TRIM35: variants seen among roughly 807,000 people sequenced by gnomAD.
TRIM35 encodes the protein E3 ubiquitin-protein ligase TRIM35.
TRIM35 carries 37 observed loss-of-function variants against 49.1 expected under a neutral mutation model. That is an observed-to-expected ratio of 0.75 (90% CI 0.58 to 0.99). The LOEUF (loss-of-function observed/expected upper bound fraction) is 0.99. Ranked by LOEUF, TRIM35 falls within the 50% of genes least tolerant of loss-of-function variation. TRIM35 has a pLI of 0.00. For missense variants in TRIM35, 648 were observed against 702.7 expected (o/e 0.92, Z 0.88); for synonymous variants, 302 against 289.3 (o/e 1.04, Z -0.45).
Position 27,304,788 on chromosome 8 carries a change from A to G in TRIM35, c.435+6013T>C, listed in dbSNP as rs1250537050. On this transcript the variant is annotated intron_variant, in intron 1 of 5. Transcript: ENST00000305364. ...TGCCTCCTGGACTGAAGGTTAGGAG[A>G]GCTGGTTTGGAGCCTTGTCTTTGTC... 8.8e-6 allele frequency: 4 copies of G among 455,874 alleles called. 1 individual carries two copies. Among genetic ancestry groups the G allele is most frequent in the African/African-American group, 8.0e-5 (4 of 49,944 alleles). The allele number at this position is 455,874 out of a possible 1,614,324, so 28.2% of individuals were successfully genotyped here.
Position 27,292,446 on chromosome 8 carries a change from A to G in TRIM35, c.762+1634T>C, listed in dbSNP as rs1381686896. Among the ~76,000 whole-genome samples the G allele has an allele frequency of 2.0e-5, 3 of 152,392 alleles. No individual in the cohort carries two copies. The East Asian group carries it at 5.8e-4, about 29-fold the overall frequency. The stretch of plus-strand genomic sequence containing the variant: ...AAGTGCATGATTATATATCTATGCC[A>G]TGGAATATTATTCAGCCATAAAAAA... On this transcript the variant is annotated intron_variant, in intron 3 of 5. Coordinates refer to ENST00000305364, the MANE Select transcript of TRIM35 (RefSeq NM_171982.5).
chr8:27,307,622 A>G (rs1489973982), intron 1 of TRIM35, among the ~76,000 whole-genome samples: 2 of 152,096 alleles, frequency 1.3e-5, no homozygotes, highest in African/African-American at 2.4e-5. Context: ...AGCCCTGACA[A>G]TGGTCAACAG....
intron 1 of TRIM35, among the ~76,000 whole-genome samples, chr8:27,309,367 T>A (rs1342100245): frequency 6.6e-6 from 1 of 152,204 alleles, no homozygotes; most frequent in Non-Finnish European, 1.5e-5. Flanking sequence ...CATGGACCCA[T>A]GTTAAACAAA....
chr8:27,300,382 T>G (rs1490935520), intron 1 of TRIM35, among the ~76,000 whole-genome samples: 1 of 150,752 alleles, frequency 6.6e-6, no homozygotes, highest in Non-Finnish European at 1.5e-5. Flanking sequence ...TTGGGCAATT[T>G]GCTAGGAAAT....
intron 5 of TRIM35, 75 bp downstream of exon 5, chr8:27,289,087 C>G: frequency 7.9e-7 from 1 of 1,262,536 alleles, no homozygotes; most frequent in African/African-American, 1.5e-5. Flanking sequence ...CCGGCAGAGA[C>G]CAGCCCTGGT....
chr8:27,290,386 A>G (rs1802428728), intron 3 of TRIM35, among the ~76,000 whole-genome samples: 1 of 152,192 alleles, frequency 6.6e-6, no homozygotes, highest in African/African-American at 2.4e-5. Flanking sequence ...CAGTGTTGGG[A>G]GGAAAGGCCT....
chr8:27,297,781 A>G (rs1802599824), intron 2 of TRIM35, among the ~76,000 whole-genome samples: 1 of 152,216 alleles, frequency 6.6e-6, no homozygotes, highest in Non-Finnish European at 1.5e-5. Flanking sequence ...GAGAAGACTT[A>G]GTTTGCTTAA....
chr8:27,306,932 G>A (rs2322605), intron 1 of TRIM35, among the ~76,000 whole-genome samples: 69,007 of 152,010 alleles, frequency 0.45, 15,968 homozygotes, highest in African/African-American at 0.49. Context: ...TTTGTATTCA[G>A]TCTGTTCACT....
intron 1 of TRIM35, among the ~76,000 whole-genome samples, chr8:27,307,647 A>G (rs1802814400): frequency 6.6e-6 from 1 of 152,120 alleles, no homozygotes; most frequent in African/African-American, 2.4e-5. Flanking sequence ...TCCAACCCCT[A>G]ACACACAGTC....
intron 2 of TRIM35, 58 bp downstream of exon 2, chr8:27,298,406 C>T: frequency 6.5e-7 from 1 of 1,537,814 alleles, no homozygotes; most frequent in East Asian, 2.3e-5. Context: ...ATCTTCACTC[C>T]TCCCCAGACT....
rs747579708 is a variant in TRIM35, at chr8:27,287,967, C to T, written c.1065G>A (p.Ser355=). The change falls in exon 6 of 6, where the codon TCG becomes TCA. Residue 355 remains serine (S), a synonymous_variant. Coordinates refer to ENST00000305364, the MANE Select transcript of TRIM35 (RefSeq NM_171982.5). The surrounding 1 kb of genome is among the most constrained non-coding windows in gnomAD (Gnocchi z 6.0). ...LLGSRVFSQG[S]HAWEVALGGL... ...CCCCAAGGGCCACCTCCCAGGCGTG[C>T]GAGCCCTGTGAGAAGACACGGGAGC... 4.0e-5 allele frequency: 64 copies of T among 1,613,178 alleles called. No individual in the cohort carries two copies. The highest frequency in any genetic ancestry group is 5.3e-5 in the Non-Finnish European group (62 of 1,179,946).
rs1802953671 is a variant in TRIM35, at chr8:27,311,256, G to A, written c.-21C>T. On this transcript the variant is annotated 5_prime_UTR_variant, in exon 1 of 6. Coordinates refer to ENST00000305364, the MANE Select transcript of TRIM35 (RefSeq NM_171982.5). ...TCCATGGCACGAGCAGCCGGCTCGG[G>A]CGCCCGGAACTTTTGCTCCGGCCCC... 6 of 1,483,430 alleles carry A rather than the reference G, an allele frequency of 4.0e-6. No individual in the cohort carries two copies. Among genetic ancestry groups the A allele is most frequent in the Non-Finnish European group, 4.5e-6 (5 of 1,115,300 alleles). 91.9% of individuals were successfully genotyped at this position (1,483,430 alleles called of 1,614,324 possible).
In TRIM35 at chr8:27,302,994, C is replaced by T. The variant is rs78616577; in HGVS notation, c.436-4435G>A. On this transcript the variant is annotated intron_variant, in intron 1 of 5. Coordinates refer to ENST00000305364, the MANE Select transcript of TRIM35 (RefSeq NM_171982.5). Reference sequence around the variant, plus strand: ...ATAGAGTTGGTCATAATGCGCATTCCTGTCTTTTTCTTGATCTCAATAAGA... The same window carrying T: ...ATAGAGTTGGTCATAATGCGCATTCTTGTCTTTTTCTTGATCTCAATAAGA... Among the ~76,000 whole-genome samples, 688 of 152,276 alleles carry T rather than the reference C, an allele frequency of 4.5e-3. 6 individuals are homozygous for T. Among genetic ancestry groups the T allele is most frequent in the East Asian group, 0.036 (188 of 5,182 alleles).
At chr8:27,294,493 A>G (rs540557271) in intron 2 of TRIM35, among the ~76,000 whole-genome samples, 183 bp from the exon 3 acceptor site, 40 of 152,372 alleles carry the variant, frequency 2.6e-4, no homozygotes, top group Admixed American at 3.3e-4. Context: ...TTCAAATGGG[A>G]AAGTCCAACA....
intron 2 of TRIM35, among the ~76,000 whole-genome samples, chr8:27,296,702 G>A (rs1384483168): frequency 1.3e-5 from 2 of 152,176 alleles, no homozygotes; most frequent in Non-Finnish European, 2.9e-5. Context: ...AACCAAGTAA[G>A]AGAACAATGA....
At position 27,311,140 on chromosome 8, in the gene TRIM35, G is replaced by A. The variant is rs749928696; in HGVS notation, c.96C>T (p.Val32=). Residue 32 remains valine, a synonymous_variant, in exon 1 of 6, where the codon GTC becomes GTT. Coordinates refer to ENST00000305364, the MANE Select transcript of TRIM35 (RefSeq NM_171982.5). ...AGAAGTTGTGGCCGCAGCGCAGAGT[G>A]ACTGCGTCGCGGAAGGGGTCGTAGC... ...AVCYDPFRDA[V]TLRCGHNFCR... 7 of 1,604,484 alleles carry A rather than the reference G, an allele frequency of 4.4e-6. No homozygotes were observed. In the African/African-American group the frequency reaches 6.7e-5, roughly 15 times the overall value.
intron 4 of TRIM35, among the ~76,000 whole-genome samples, 194 bp downstream of exon 4, chr8:27,289,962 T>A (rs1468114246): frequency 1.3e-5 from 2 of 152,160 alleles, no homozygotes; most frequent in African/African-American, 4.8e-5. Flanking sequence ...CAGAGCCAAC[T>A]TGAACTGGAT....
chr8:27,285,918 C>A lies in TRIM35; in HGVS notation c.*1632G>T. ...ATGCACTGGTTTGCCAACATCCTCACCACGCCCAATCCAGCCCCTTCACAC... is the reference window on the plus strand; with the variant it reads ...ATGCACTGGTTTGCCAACATCCTCAACACGCCCAATCCAGCCCCTTCACAC... On this transcript the variant is annotated 3_prime_UTR_variant, in exon 6 of 6. Transcript: ENST00000305364. 5.8e-6 allele frequency: 2 copies of A among 343,024 alleles called. No homozygotes were observed. The highest frequency in any genetic ancestry group is 4.5e-5 in the South Asian group (2 of 44,020). The allele number at this position is 343,024 out of a possible 1,614,324, so 21.2% of individuals were successfully genotyped here. A position where few individuals can be genotyped will look rare whatever the true frequency, so the allele number is the denominator to read the frequency against.
intron 3 of TRIM35, among the ~76,000 whole-genome samples, chr8:27,291,555 T>C (rs1175752442): frequency 2.0e-5 from 3 of 152,212 alleles, no homozygotes; most frequent in African/African-American, 7.2e-5. Context: ...CCCAGACATA[T>C]TTCCAAGAAA....
Sources: allele counts gnomAD v4.1 joint callset (sites outside exome capture counted in the v4.1 genomes callset), GRCh38; gene constraint gnomAD v4.1.1; non-coding constraint Gnocchi (gnomAD v3.1); transcripts MANE v1.5; gene names NCBI Gene and HGNC (gene_info 2026-07-23, HGNC 2026-07-21).